CUX1: variants seen among roughly 807,000 people sequenced by gnomAD.
CUX1 encodes the protein protein CASP.
CUX1 carries 31 observed loss-of-function variants against 158.8 expected under a neutral mutation model. That is an observed-to-expected ratio of 0.20 (90% CI 0.15 to 0.26). CUX1 has a LOEUF of 0.26. Among genes scored for constraint, CUX1 ranks in the 10% least tolerant of loss-of-function variants. The probability of loss-of-function intolerance (pLI) is 1.00; values close to 1 mark genes in which losing one functional copy is unlikely to be tolerated. For missense variants in CUX1, 1,589 were observed against 2,014.6 expected (o/e 0.79, Z 4.04); for synonymous variants, 879 against 862.1 (o/e 1.02, Z -0.34).
intron 10 of CUX1, 40 bp from the exon 11 acceptor site, chr7:102,178,429 A>G (rs1792635144): frequency 6.5e-7 from 1 of 1,547,794 alleles, no homozygotes; most frequent in South Asian, 1.2e-5. Flanking sequence ...CACCCGCCTC[A>G]AGGCCAGCGC....
chr7:102,016,397 C>T (rs1291705325), intron 2 of CUX1, among the ~76,000 whole-genome samples: 1 of 152,258 alleles, frequency 6.6e-6, no homozygotes, highest in Non-Finnish European at 1.5e-5. Context: ...GGTCTCTGCT[C>T]ATGATTGAAG....
intron 8 of CUX1, among the ~76,000 whole-genome samples, chr7:102,143,963 G>C (rs531562305): frequency 2.9e-4 from 44 of 151,994 alleles, no homozygotes; most frequent in Middle Eastern, 3.4e-3. Flanking sequence ...TGTATTTTTA[G>C]TAGAGACGAG....
At chr7:101,816,287 G>C (rs929802944), upstream of CUX1, among the ~76,000 whole-genome samples, 12 of 145,014 alleles carry the variant, frequency 8.3e-5, no homozygotes, top group Non-Finnish European at 1.5e-4. Context: ...TCACTCGCTT[G>C]ATCGGAAATT....
rs186054830 is a variant in CUX1, at chr7:102,274,136, C to T, written c.1384-108C>T. 8.3e-4 allele frequency: 903 copies of T among 1,088,280 alleles called. 3 individuals carry two copies. The African/African-American group carries it at 0.012, about 14-fold the overall frequency. The allele number at this position is 1,088,280 out of a possible 1,614,324, so 67.4% of individuals were successfully genotyped here. A position where few individuals can be genotyped will look rare whatever the true frequency, so the allele number is the denominator to read the frequency against. ...CCAGCCTGCACCCCGGATGGCCCCACCCACTCCTTGCCACACCCACCCTGC... is the reference window on the plus strand; with the variant it reads ...CCAGCCTGCACCCCGGATGGCCCCATCCACTCCTTGCCACACCCACCCTGC... On this transcript the variant is annotated intron_variant, in intron 15 of 22. Transcript: ENST00000292538.
chr7:102,043,567 T>C (rs1279935459), intron 3 of CUX1, among the ~76,000 whole-genome samples: 4 of 152,078 alleles, frequency 2.6e-5, no homozygotes, highest in Non-Finnish European at 5.9e-5. Flanking sequence ...AGCACCAATC[T>C]CCTGCGTGTA....
chr7:102,123,308 GTT>G (rs1289292616), intron 8 of CUX1, among the ~76,000 whole-genome samples: 1 of 151,792 alleles, frequency 6.6e-6, no homozygotes, highest in Non-Finnish European at 1.5e-5. Context: ...CATGCAATCA[GTT>G]TTTAAAAAAT....
intron 1 of CUX1, among the ~76,000 whole-genome samples, chr7:101,890,418 G>A (rs1800753734): frequency 6.6e-6 from 1 of 152,030 alleles, no homozygotes; most frequent in Non-Finnish European, 1.5e-5. Flanking sequence ...AAGGACAGCT[G>A]TCCCCCCCTC....
intron 23 of CUX1, among the ~76,000 whole-genome samples, chr7:102,241,791 A>G (rs1486465437): frequency 9.9e-5 from 15 of 152,232 alleles, no homozygotes; most frequent in Admixed American, 9.8e-4. Context: ...CCCGTGTTCC[A>G]GCTACCTCCC....
intron 20 of CUX1, among the ~76,000 whole-genome samples, chr7:102,206,115 C>T (rs1312630133): frequency 4.6e-5 from 7 of 152,176 alleles, no homozygotes; most frequent in African/African-American, 1.2e-4. Context: ...ACATGTGTAG[C>T]ACGGGGAACA....
intron 10 of CUX1, among the ~76,000 whole-genome samples, chr7:102,175,726 TC>T (rs1554511729): frequency 6.6e-6 from 1 of 152,088 alleles, no homozygotes; most frequent in Non-Finnish European, 1.5e-5. Flanking sequence ...GTCCTGGTCC[TC>T]CTACCCTGGA....
intron 1 of CUX1, among the ~76,000 whole-genome samples, chr7:101,874,598 G>C (rs976583326): frequency 2.0e-5 from 3 of 152,136 alleles, no homozygotes; most frequent in South Asian, 4.1e-4. Flanking sequence ...TATCATCCTG[G>C]TTTTTCAGGG....
At chr7:101,817,117 C>T (rs1791920842), upstream of CUX1, 3 of 984,388 alleles carry the variant, frequency 3.0e-6, no homozygotes, top group Admixed American at 6.2e-5. This position sits in a 1 kb window ranked among gnomAD's most constrained non-coding sequence, Gnocchi z 4.1. Context: ...CCCGGTGTCC[C>T]GGACCGCCGG....
chr7:102,153,006 T>C (rs1397504984), intron 8 of CUX1, among the ~76,000 whole-genome samples: 2 of 152,218 alleles, frequency 1.3e-5, no homozygotes, highest in Admixed American at 1.3e-4. Flanking sequence ...GACCAGGAGA[T>C]GGAAAACTTG....
intron 1 of CUX1, among the ~76,000 whole-genome samples, chr7:101,896,711 T>A (rs1317088812): frequency 6.6e-6 from 1 of 152,146 alleles, no homozygotes; most frequent in Admixed American, 6.5e-5. Context: ...TTAACAGGTC[T>A]TAAATGGGAA....
intron 1 of CUX1, among the ~76,000 whole-genome samples, chr7:101,835,420 T>TC (rs1794518680): frequency 1.3e-5 from 2 of 152,214 alleles, no homozygotes; most frequent in Admixed American, 1.3e-4. Context: ...TCGAGCTGTT[T>TC]CCACTTTTTT....
intron 1 of CUX1, among the ~76,000 whole-genome samples, chr7:101,860,820 T>A (rs1797380617): frequency 6.7e-6 from 1 of 148,914 alleles, no homozygotes; most frequent in African/African-American, 2.5e-5. Flanking sequence ...TTTCCTTTTT[T>A]TAAAGAGACA....
At chr7:101,982,735 ATTATAC>A (rs1399796123) in intron 2 of CUX1, among the ~76,000 whole-genome samples, 4 of 148,636 alleles carry the variant, frequency 2.7e-5, no homozygotes, top group African/African-American at 9.9e-5. Context: ...TTTTTTTTTT[ATTATAC>A]TTTAAGTTCT....
At chr7:102,013,949 C>T (rs1012753801) in intron 2 of CUX1, among the ~76,000 whole-genome samples, 2 of 152,048 alleles carry the variant, frequency 1.3e-5, no homozygotes, top group East Asian at 1.9e-4. Flanking sequence ...AAGCAATCCT[C>T]CCACCTCAGC....
chr7:102,094,034 G>A lies in CUX1; in HGVS notation c.269-3330G>A, dbSNP rs145573216. On this transcript the variant is annotated intron_variant, in intron 4 of 23. Coordinates refer to ENST00000292535, the MANE Select transcript of CUX1 (RefSeq NM_181552.4). ...AAATGGCATTGGAAATCATTAACAA[G>A]ACAAAAAGCTATTATTTCCGTAGAT... Among the ~76,000 whole-genome samples the A allele has an allele frequency of 2.4e-3, 366 of 152,270 alleles. 1 individual carries two copies. Among genetic ancestry groups the A allele is most frequent in the African/African-American group, 8.3e-3 (347 of 41,558 alleles).
Sources: allele counts gnomAD v4.1 joint callset (sites outside exome capture counted in the v4.1 genomes callset), GRCh38; gene constraint gnomAD v4.1.1; non-coding constraint Gnocchi (gnomAD v3.1); transcripts MANE v1.5; gene names NCBI Gene and HGNC (gene_info 2026-07-23, HGNC 2026-07-21).